The following CSPP1 variants were observed in gnomAD, a reference collection of about 807,000 sequenced individuals.
The protein encoded by CSPP1 is centrosome and spindle pole associated protein 1.
Under a neutral mutation model 164.4 loss-of-function variants are expected in CSPP1, and 126 were observed. The ratio of observed to expected loss-of-function variants is 0.77; its 90% CI spans 0.66 to 0.89. The LOEUF (loss-of-function observed/expected upper bound fraction) is 0.89. Ranked by LOEUF, CSPP1 falls within the 40% of genes least tolerant of loss-of-function variation. The pLI is 0.00. For missense variants in CSPP1, 1,395 were observed against 1,449.8 expected (o/e 0.96, Z 0.61); for synonymous variants, 472 against 476.7 (o/e 0.99, Z 0.13).
chr8:67,164,453 A>G lies in CSPP1; in HGVS notation c.2773A>G (p.Arg925Gly), dbSNP rs772949501. 4.4e-6 allele frequency: 7 copies of G among 1,608,462 alleles called. No homozygotes were observed. Among genetic ancestry groups the G allele is most frequent in the South Asian group, 1.1e-5 (1 of 90,882 alleles). Residue 925 changes from arginine (R) to glycine (G), a missense_variant, in exon 24 of 31, where the codon AGG becomes GGG. Transcript: ENST00000678616. ...GAGAAAACAGCTTCGTAGTGAAGAG[A>G]GGCGTCTACAAGAGCGATTGCTACA... ...EMRKQLRSEE[R>G]RLQERLLHMD...
chr8:67,113,042 G>C (rs1052716750), intron 10 of CSPP1, among the ~76,000 whole-genome samples: 1 of 152,082 alleles, frequency 6.6e-6, no homozygotes, highest in African/African-American at 2.4e-5. Flanking sequence ...TCAGGAGATC[G>C]AGACCATCCT....
chr8:67,178,619 G>A (rs1418783418), intron 27 of CSPP1, among the ~76,000 whole-genome samples: 2 of 152,166 alleles, frequency 1.3e-5, no homozygotes, highest in Non-Finnish European at 2.9e-5. Context: ...AGTGGGCATG[G>A]GGGCTCACTG....
At chr8:67,166,714 A>G (rs1461969611) in intron 24 of CSPP1, among the ~76,000 whole-genome samples, 1 of 151,194 alleles carries the variant, frequency 6.6e-6, no homozygotes, top group African/African-American at 2.4e-5. Flanking sequence ...TGCATATTTA[A>G]TTCAGTTTAA....
At chr8:67,078,727 T>C (rs1394397726) in intron 3 of CSPP1, among the ~76,000 whole-genome samples, 2 of 151,956 alleles carry the variant, frequency 1.3e-5, no homozygotes, top group African/African-American at 2.4e-5. Context: ...TCCCAACACT[T>C]TGGGAGGCTG....
At chr8:67,168,489 C>G (rs1490253221) in intron 24 of CSPP1, among the ~76,000 whole-genome samples, 1 of 151,944 alleles carries the variant, frequency 6.6e-6, no homozygotes, top group Non-Finnish European at 1.5e-5. Flanking sequence ...TAATTTCTAC[C>G]CTTTGAGAAT....
At chr8:67,137,349 A>C in intron 16 of CSPP1, 107 bp from the exon 17 acceptor site, 3 of 916,224 alleles carry the variant, frequency 3.3e-6, no homozygotes, top group Non-Finnish European at 4.6e-6. Flanking sequence ...AAAAAAAGCA[A>C]ATTTTTTTGC....
Position 67,158,499 on chromosome 8 carries a change from CAGAAGAAAA to C in CSPP1, c.2303_2311del (p.Lys768_Glu770del). The C allele has an allele frequency of 6.2e-7, 1 of 1,612,126 alleles. No homozygotes were observed. ...GCAGAGCGAGAGAGACTGAGAATTG[CAGAAGAAAA>C]AGAAGAAAGACGGCTTGCAGAACAG... On this transcript the variant is annotated inframe_deletion, in exon 20 of 31. Transcript: ENST00000678616.
At chr8:67,161,156 T>C (rs1003771064) in intron 21 of CSPP1, among the ~76,000 whole-genome samples, 1 of 152,202 alleles carries the variant, frequency 6.6e-6, no homozygotes, top group African/African-American at 2.4e-5. Context: ...CCATTTATGT[T>C]TATCAAAACT....
In CSPP1 at chr8:67,185,120, AAAACAAAC is replaced by A. The variant is rs531865798; in HGVS notation, c.3220+5210_3220+5217del. Among the ~76,000 whole-genome samples, 27 of 151,268 alleles carry A rather than the reference AAAACAAAC, an allele frequency of 1.8e-4. No individual in the cohort carries two copies. In the South Asian group the frequency reaches 3.5e-3, roughly 20 times the overall value. On this transcript the variant is annotated intron_variant, in intron 28 of 30. Coordinates refer to ENST00000678616, the MANE Select transcript of CSPP1 (RefSeq NM_001382391.1). ...ACTCCGTCTCAAAAAAAAAAAAACA[AAAACAAAC>A]AAACAAACAAACAAAAAACACAACA...
chr8:67,187,544 T>A (rs190113239), intron 28 of CSPP1, among the ~76,000 whole-genome samples: 1 of 152,064 alleles, frequency 6.6e-6, no homozygotes, highest in Non-Finnish European at 1.5e-5. Flanking sequence ...AATTAGCCGA[T>A]GTGGTGGCAC....
At chr8:67,192,066 GTTTTTTTTTTT>G (rs1836437362) in intron 29 of CSPP1, among the ~76,000 whole-genome samples, 1 of 129,858 alleles carries the variant, frequency 7.7e-6, no homozygotes, top group Non-Finnish European at 1.6e-5. Flanking sequence ...TTGCTGATTT[GTTTTTTTTTTT>G]GTTTTTTTTT....
intron 1 of CSPP1, among the ~76,000 whole-genome samples, chr8:67,071,230 G>T (rs1412310582): frequency 6.6e-6 from 1 of 151,920 alleles, no homozygotes; most frequent in Non-Finnish European, 1.5e-5. Flanking sequence ...TTAAGTTCAG[G>T]GGATACTTTT....
At chr8:67,170,497 CTA>C (rs992737990) in intron 24 of CSPP1, among the ~76,000 whole-genome samples, 3 of 151,946 alleles carry the variant, frequency 2.0e-5, no homozygotes, top group African/African-American at 7.3e-5. Flanking sequence ...CACCGTAAGA[CTA>C]TAAGGGGTAG....
At chr8:67,101,294 C>T (rs1209074127) in intron 7 of CSPP1, among the ~76,000 whole-genome samples, 1 of 152,168 alleles carries the variant, frequency 6.6e-6, no homozygotes, top group Non-Finnish European at 1.5e-5. Flanking sequence ...ACAGTTTAAG[C>T]ACAGTGAGCT....
chr8:67,188,156 C>CA (rs1835204056), intron 28 of CSPP1, among the ~76,000 whole-genome samples: 1 of 152,126 alleles, frequency 6.6e-6, no homozygotes, highest in Non-Finnish European at 1.5e-5. Flanking sequence ...GACTGTTATC[C>CA]AAAATACACA....
At chr8:67,099,842 G>A (rs1306404850) in intron 7 of CSPP1, among the ~76,000 whole-genome samples, 4 of 151,970 alleles carry the variant, frequency 2.6e-5, no homozygotes, top group African/African-American at 9.7e-5. Flanking sequence ...AGAATAAGGT[G>A]GCTAACTTAC....
chr8:67,120,606 T>C (rs913955776), intron 15 of CSPP1, among the ~76,000 whole-genome samples: 2 of 152,148 alleles, frequency 1.3e-5, no homozygotes, highest in African/African-American at 4.8e-5. Context: ...TTAAGTATTT[T>C]ATTCTTTTGG....
intron 15 of CSPP1, among the ~76,000 whole-genome samples, chr8:67,126,730 C>T (rs2129553116): frequency 6.6e-6 from 1 of 152,250 alleles, no homozygotes; most frequent in Middle Eastern, 3.4e-3. Flanking sequence ...TATGTTGGAG[C>T]TTTTCAAGAC....
intron 24 of CSPP1, among the ~76,000 whole-genome samples, chr8:67,166,727 G>GTTT (rs199739810): frequency 7.0e-6 from 1 of 142,398 alleles, no homozygotes; most frequent in Admixed American, 7.0e-5. Context: ...CAGTTTAACG[G>GTTT]TTTTTTTTTT....
Sources: allele counts gnomAD v4.1 joint callset (sites outside exome capture counted in the v4.1 genomes callset), GRCh38; gene constraint gnomAD v4.1.1; transcripts MANE v1.5; gene names NCBI Gene and HGNC (gene_info 2026-07-23, HGNC 2026-07-21).